SGCD: variants seen among roughly 807,000 people sequenced by gnomAD.
The protein encoded by SGCD is delta-sarcoglycan.
SGCD carries 18 observed loss-of-function variants against 36.6 expected under a neutral mutation model. That is an observed-to-expected ratio of 0.49 (90% confidence interval 0.34 to 0.73). The LOEUF (loss-of-function observed/expected upper bound fraction) is 0.73, where lower values mean the gene tolerates loss of function less well. Ranked by LOEUF, SGCD falls within the 30% of genes least tolerant of loss-of-function variation. SGCD has a pLI of 0.01. For missense variants in SGCD, 387 were observed against 346.7 expected (o/e 1.12, Z -0.92); for synonymous variants, 133 against 130.6 (o/e 1.02, Z -0.12).
At chr5:156,610,850 G>T (rs1761766857) in intron 6 of SGCD, among the ~76,000 whole-genome samples, 1 of 152,254 alleles carries the variant, frequency 6.6e-6, no homozygotes, top group African/African-American at 2.4e-5. Flanking sequence ...CCAGGCGCAG[G>T]ATATAATCTC....
chr5:155,803,871 T>C, the SGCD span, among the ~76,000 whole-genome samples: 2 of 152,124 alleles, frequency 1.3e-5, no homozygotes, highest in Non-Finnish European at 1.5e-5. Context: ...TAGTGTTCTG[T>C]AATGCATGGG....
intron 4 of SGCD, among the ~76,000 whole-genome samples, chr5:156,531,472 C>G (rs143680732): frequency 6.6e-6 from 1 of 152,070 alleles, no homozygotes; most frequent in South Asian, 2.1e-4. Flanking sequence ...GATGACTAAC[C>G]CCAATGCAAT....
intron 7 of SGCD, among the ~76,000 whole-genome samples, chr5:156,648,778 T>C (rs1763335666): frequency 6.6e-6 from 1 of 152,186 alleles, no homozygotes; most frequent in African/African-American, 2.4e-5. Context: ...TATAAGGTAC[T>C]GAAGCTAGAA....
intron 3 of SGCD, among the ~76,000 whole-genome samples, chr5:156,369,556 T>C (rs1442961592): frequency 6.6e-6 from 1 of 152,216 alleles, no homozygotes; most frequent in Non-Finnish European, 1.5e-5. Context: ...GAGGTGCATG[T>C]GCCTTGCATT....
chr5:156,071,047 G>A (rs796599108), intron 1 of SGCD, among the ~76,000 whole-genome samples: 20 of 151,962 alleles, frequency 1.3e-4, no homozygotes, highest in East Asian at 9.7e-4. Flanking sequence ...TCTTGCTAGC[G>A]GTCTATCAAT....
At chr5:155,848,381 T>A in the SGCD span, among the ~76,000 whole-genome samples, 1 of 152,170 alleles carries the variant, frequency 6.6e-6, no homozygotes, top group South Asian at 2.1e-4. Flanking sequence ...GCATCACATC[T>A]CAGGGTCTGA....
In SGCD at chr5:156,507,411, C is replaced by T. The variant is rs951456460; in HGVS notation, c.193-1190C>T. Among the ~76,000 whole-genome samples the T allele has an allele frequency of 3.3e-5, 5 of 152,310 alleles. No homozygotes were observed. The East Asian group carries it at 7.7e-4, about 24-fold the overall frequency. On this transcript the variant is annotated intron_variant, in intron 3 of 8. Coordinates refer to ENST00000337851, the MANE Select transcript of SGCD (RefSeq NM_000337.6). ...AGAGCCTCCAGAAAAGGACATAGCCCTTCTGACACCTTGATTTTAGCCCAT... is the reference window on the plus strand; with the variant it reads ...AGAGCCTCCAGAAAAGGACATAGCCTTTCTGACACCTTGATTTTAGCCCAT...
intron 3 of SGCD, among the ~76,000 whole-genome samples, chr5:156,259,720 G>A (rs965237696): frequency 2.6e-5 from 4 of 151,964 alleles, no homozygotes. Context: ...ATGTTCATTG[G>A]CGGTGGGGCC....
At chr5:155,838,531 T>C in the SGCD span, among the ~76,000 whole-genome samples, 95 of 152,242 alleles carry the variant, frequency 6.2e-4, no homozygotes, top group Non-Finnish European at 9.0e-4. Flanking sequence ...TAGGTTAGAG[T>C]AGCAATTCTC....
At chr5:156,445,223 A>ACT (rs926749271) in intron 3 of SGCD, among the ~76,000 whole-genome samples, 24 of 152,052 alleles carry the variant, frequency 1.6e-4, no homozygotes, top group African/African-American at 5.8e-4. Flanking sequence ...TATGTCGATG[A>ACT]GTGTGTGTAT....
rs1451722927 is a variant in SGCD at position 156,185,491 on chromosome 5, GAT to G, written c.-44+61473_-44+61474del. ...GGCCTCCCAAAGTGCTGGGATTACA[GAT>G]GTGAGCCACCGCGCCTGGCCTCTTT... is the stretch of plus-strand genomic sequence containing the variant. On this transcript the variant is annotated intron_variant, in intron 3 of 9. Coordinates refer to the SGCD transcript ENST00000517913. 2.5e-3 allele frequency among the ~76,000 whole-genome samples: 383 copies of G among 152,176 alleles called. 3 individuals carry two copies. Among genetic ancestry groups the G allele is most frequent in the African/African-American group, 8.2e-3 (341 of 41,542 alleles).
At position 156,307,889 on chromosome 5, in the gene SGCD, C is replaced by G. The variant is rs185247005; in HGVS notation, c.-43-21645C>G. ...AACATAAACTGATAATCTTTTAATGCGTTAGTCTATTAAACTATATAAAAA... is the reference window on the plus strand; with the variant it reads ...AACATAAACTGATAATCTTTTAATGGGTTAGTCTATTAAACTATATAAAAA... On this transcript the variant is annotated intron_variant, in intron 3 of 9. Coordinates refer to the SGCD transcript ENST00000517913. Among the ~76,000 whole-genome samples the G allele has an allele frequency of 2.0e-5, 3 of 151,160 alleles. 1 individual carries two copies. The highest frequency in any genetic ancestry group is 2.0e-4 in the Admixed American group (3 of 15,244).
At chr5:156,250,083 A>G (rs1265896174) in intron 3 of SGCD, among the ~76,000 whole-genome samples, 3 of 152,194 alleles carry the variant, frequency 2.0e-5, no homozygotes, top group African/African-American at 7.2e-5. Context: ...TGTAACTATA[A>G]TGAGCGTTGA....
intron 3 of SGCD, among the ~76,000 whole-genome samples, chr5:156,275,514 G>T (rs1368716446): frequency 3.3e-5 from 5 of 152,128 alleles, no homozygotes; most frequent in African/African-American, 1.2e-4. Flanking sequence ...AATTAGATTT[G>T]CCTCCTGCTG....
chr5:155,865,007 G>A, the SGCD span, among the ~76,000 whole-genome samples: 1 of 151,890 alleles, frequency 6.6e-6, no homozygotes, highest in East Asian at 1.9e-4. Context: ...GAAATTCTTG[G>A]TTTCAGGAAC....
intron 3 of SGCD, among the ~76,000 whole-genome samples, chr5:156,203,619 T>C (rs1260533335): frequency 1.3e-5 from 2 of 152,162 alleles, no homozygotes; most frequent in Non-Finnish European, 2.9e-5. Flanking sequence ...AGATGGATCA[T>C]CATCTGTATT....
intron 1 of SGCD, among the ~76,000 whole-genome samples, chr5:156,102,881 A>G (rs1761553834): frequency 6.6e-6 from 1 of 152,198 alleles, no homozygotes; most frequent in African/African-American, 2.4e-5. Flanking sequence ...TATACACATA[A>G]CACACACATA....
chr5:156,289,680 A>G (rs1233276273), intron 3 of SGCD, among the ~76,000 whole-genome samples: 2 of 151,704 alleles, frequency 1.3e-5, no homozygotes, highest in Admixed American at 6.6e-5. Context: ...TCAATTTTCT[A>G]ATATTATTTT....
intron 3 of SGCD, among the ~76,000 whole-genome samples, chr5:156,416,813 T>C (rs932070906): frequency 2.6e-5 from 4 of 152,352 alleles, no homozygotes; most frequent in Non-Finnish European, 5.9e-5. Context: ...AAATTTGCAA[T>C]GCTATCTGCA....
Sources: allele counts gnomAD v4.1 joint callset (sites outside exome capture counted in the v4.1 genomes callset), GRCh38; gene constraint gnomAD v4.1.1; transcripts MANE v1.5; gene names NCBI Gene and HGNC (gene_info 2026-07-23, HGNC 2026-07-21).